NR5A2: variants seen among roughly 807,000 people sequenced by gnomAD.
NR5A2 encodes the protein CYP7A promoter-binding factor.
Under a neutral mutation model 62.7 loss-of-function variants are expected in NR5A2, and 26 were observed. The observed-to-expected ratio is 0.41, with a 90% CI of 0.30 to 0.58. The LOEUF is 0.58. Ranked by LOEUF, NR5A2 falls within the 20% of genes least tolerant of loss-of-function variation. The probability of loss-of-function intolerance (pLI) is 0.22; values close to 1 mark genes in which losing one functional copy is unlikely to be tolerated. For missense variants in NR5A2, 541 were observed against 669.1 expected (o/e 0.81, Z 2.11); for synonymous variants, 246 against 241.7 (o/e 1.02, Z -0.16).
At chr1:200,145,629 G>A (rs1387727016) in intron 7 of NR5A2, among the ~76,000 whole-genome samples, 1 of 152,098 alleles carries the variant, frequency 6.6e-6, no homozygotes, top group Non-Finnish European at 1.5e-5. Flanking sequence ...TTGCAGGTTT[G>A]TTTGATTATT....
chr1:200,174,324 T>A lies in NR5A2; in HGVS notation c.*114T>A. On this transcript the variant is annotated 3_prime_UTR_variant, in exon 8 of 8. Transcript: ENST00000367362. ...CTGAACTGCTCCAAGTAACGCTAAT[T>A]AAAAACTTGCTTTAAAGATATTGAA... 1 of 1,088,826 alleles carries A rather than the reference T, an allele frequency of 9.2e-7. No individual in the cohort carries two copies. The highest frequency in any genetic ancestry group is 1.2e-6 in the Non-Finnish European group (1 of 821,754). 67.4% of individuals were successfully genotyped at this position (1,088,826 alleles called of 1,614,324 possible).
At chr1:200,148,157 G>A in intron 7 of NR5A2, 1 of 372,244 alleles carries the variant, frequency 2.7e-6, no homozygotes, top group South Asian at 8.7e-5. Context: ...TGTCCAAGAG[G>A]AAGACCAGAT....
intron 5 of NR5A2, among the ~76,000 whole-genome samples, chr1:200,071,736 T>C (rs1251235988): frequency 6.6e-6 from 1 of 152,170 alleles, no homozygotes; most frequent in Non-Finnish European, 1.5e-5. Context: ...TTCTAGTGGA[T>C]TTTGAGGTTG....
intron 7 of NR5A2, among the ~76,000 whole-genome samples, chr1:200,137,314 C>T (rs1013778588): frequency 6.9e-6 from 1 of 145,070 alleles, no homozygotes; most frequent in Admixed American, 6.8e-5. Flanking sequence ...CCACACCTGG[C>T]TAATTTTTTT....
At chr1:200,153,211 A>G (rs950794596) in intron 7 of NR5A2, among the ~76,000 whole-genome samples, 1 of 152,230 alleles carries the variant, frequency 6.6e-6, no homozygotes, top group Non-Finnish European at 1.5e-5. Context: ...AGTAGAGTGG[A>G]ATAGCATTTG....
chr1:200,130,299 AG>A (rs1226435628), intron 7 of NR5A2, among the ~76,000 whole-genome samples: 95 of 76,256 alleles, frequency 1.2e-3, no homozygotes, highest in East Asian at 3.4e-3. Context: ...AAGAAGAAGA[AG>A]AAGAAGAAGA....
At chr1:200,054,258 C>G (rs925862804) in intron 5 of NR5A2, 2 of 152,160 alleles carry the variant, frequency 1.3e-5, no homozygotes, top group African/African-American at 4.8e-5. Flanking sequence ...ATGCTCTTGA[C>G]TGTTTCCTTG....
intron 7 of NR5A2, among the ~76,000 whole-genome samples, chr1:200,137,142 AT>A (rs112538013): frequency 1.4e-5 from 2 of 147,704 alleles, no homozygotes; most frequent in East Asian, 2.0e-4. Context: ...GCCAGATTTT[AT>A]TTTATTTATT....
intron 6 of NR5A2, among the ~76,000 whole-genome samples, 162 bp downstream of exon 6, chr1:200,111,483 GATT>G (rs1451323680): frequency 2.6e-5 from 4 of 152,320 alleles, no homozygotes; most frequent in African/African-American, 9.6e-5. Flanking sequence ...TTCCTGCTCT[GATT>G]ATTATAGTTA....
intron 7 of NR5A2, among the ~76,000 whole-genome samples, chr1:200,127,764 G>GC (rs1339070887): frequency 1.7e-4 from 22 of 130,928 alleles, no homozygotes; most frequent in Admixed American, 1.2e-3. Context: ...CACATATACA[G>GC]AGGGCTGACT....
chr1:200,058,476 GTTTTTTGTTT>G (rs1157135113), intron 5 of NR5A2: 3 of 151,562 alleles, frequency 2.0e-5, no homozygotes, highest in African/African-American at 7.3e-5. Context: ...TATTATGTTG[GTTTTTTGTTT>G]TTTTTTGTTT....
At chr1:200,170,000 G>T (rs1022024904) in intron 7 of NR5A2, among the ~76,000 whole-genome samples, 5 of 152,162 alleles carry the variant, frequency 3.3e-5, no homozygotes, top group Non-Finnish European at 7.3e-5. Context: ...CTAAAATCCA[G>T]ATGTGGGACA....
chr1:200,039,630 G>C lies in NR5A2; in HGVS notation c.65-28G>C. 6.2e-7 allele frequency: 1 copy of C among 1,609,080 alleles called. No individual in the cohort carries two copies. The highest frequency in any genetic ancestry group is 8.5e-7 in the Non-Finnish European group (1 of 1,178,002). ...GGTCGCCCCTTCCTTCTTTTCGCCG[G>C]AGTTGAATCTGTGCTGCCCGTGTCC... On this transcript the variant is annotated intron_variant, in intron 1 of 7. Coordinates refer to ENST00000367362, the MANE Select transcript of NR5A2 (RefSeq NM_205860.3). The surrounding 1 kb of genome is among the most constrained non-coding windows in gnomAD (Gnocchi z 5.1).
At chr1:200,030,920 G>A (rs925708938) in intron 1 of NR5A2, among the ~76,000 whole-genome samples, 13 of 152,184 alleles carry the variant, frequency 8.5e-5, no homozygotes, top group African/African-American at 3.1e-4. Context: ...TTTTATTTCA[G>A]TGATAACCTC....
intron 7 of NR5A2, among the ~76,000 whole-genome samples, chr1:200,131,813 A>C (rs552241714): frequency 6.6e-6 from 1 of 152,326 alleles, no homozygotes; most frequent in South Asian, 2.1e-4. Context: ...TACTGATAAA[A>C]ATCTGATAAG....
chr1:200,059,650 C>T (rs1663097876), intron 5 of NR5A2, among the ~76,000 whole-genome samples: 1 of 149,898 alleles, frequency 6.7e-6, no homozygotes, highest in South Asian at 2.1e-4. Flanking sequence ...TGCACACAAA[C>T]ACACACAGAA....
chr1:200,148,717 A>G (rs1250662140), intron 7 of NR5A2, among the ~76,000 whole-genome samples: 1 of 152,194 alleles, frequency 6.6e-6, no homozygotes, highest in African/African-American at 2.4e-5. Context: ...TTCTATGTGG[A>G]TGATTTTCTC....
At chr1:200,034,206 A>G (rs907994758) in intron 1 of NR5A2, among the ~76,000 whole-genome samples, 25 of 152,284 alleles carry the variant, frequency 1.6e-4, no homozygotes, top group Middle Eastern at 3.4e-3. Flanking sequence ...TTTGTGGCCT[A>G]CTAGCGCCGG....
intron 2 of NR5A2, among the ~76,000 whole-genome samples, chr1:200,041,616 G>A (rs1253779310): frequency 1.3e-5 from 2 of 152,192 alleles, no homozygotes; most frequent in Non-Finnish European, 2.9e-5. Flanking sequence ...AGGCACCGCC[G>A]TCCGTTCTTC....
Sources: allele counts gnomAD v4.1 joint callset (sites outside exome capture counted in the v4.1 genomes callset), GRCh38; gene constraint gnomAD v4.1.1; non-coding constraint Gnocchi (gnomAD v3.1); transcripts MANE v1.5; gene names NCBI Gene and HGNC (gene_info 2026-07-23, HGNC 2026-07-21).